SLC25A17: variants seen among roughly 807,000 people sequenced by gnomAD.
SLC25A17 encodes peroxisomal membrane protein PMP34.
A neutral mutation model predicts 38.5 loss-of-function variants in SLC25A17; 26 were observed. The ratio of observed to expected loss-of-function variants is 0.68; its 90% CI spans 0.50 to 0.94. The LOEUF is 0.94. Ranked by LOEUF, SLC25A17 falls within the 40% of genes least tolerant of loss-of-function variation. The pLI is 0.00. For missense variants in SLC25A17, 333 were observed against 372.7 expected (o/e 0.89, Z 0.88); for synonymous variants, 139 against 136.2 (o/e 1.02, Z -0.14).
At chr22:40,804,934 C>T (rs563559883) in intron 1 of SLC25A17, among the ~76,000 whole-genome samples, 2 of 151,064 alleles carry the variant, frequency 1.3e-5, no homozygotes, top group South Asian at 4.2e-4. Flanking sequence ...CATAGCAAGA[C>T]ACTGTCTCTA....
intron 1 of SLC25A17, among the ~76,000 whole-genome samples, chr22:40,815,009 T>C (rs1274565970): frequency 2.0e-5 from 3 of 151,624 alleles, no homozygotes; most frequent in African/African-American, 2.4e-5. Flanking sequence ...TTAGTAGAGA[T>C]GGGGTTTCAC....
At chr22:40,784,280 T>C (rs1362203538) in intron 4 of SLC25A17, among the ~76,000 whole-genome samples, 1 of 152,124 alleles carries the variant, frequency 6.6e-6, no homozygotes, top group Admixed American at 6.6e-5. Flanking sequence ...TATATACTTT[T>C]TCTTTATTGT....
At position 40,770,734 on chromosome 22, in the gene SLC25A17, T is replaced by C. The variant is rs1437346007; in HGVS notation, c.*100A>G. The C allele has an allele frequency of 4.6e-6, 6 of 1,293,738 alleles. No individual in the cohort carries two copies. The Admixed American group carries it at 1.3e-4, about 28-fold the overall frequency. The allele number at this position is 1,293,738 out of a possible 1,614,324, so 80.1% of individuals were successfully genotyped here. On this transcript the variant is annotated 3_prime_UTR_variant, in exon 9 of 9. Transcript: ENST00000435456. ...CTTTTCAAGCCAATGAGGGTAACAT[T>C]TGTGGTGGCAGGAGCCAGAGTCAAG...
chr22:40,814,980 C>T (rs893521386), intron 1 of SLC25A17, among the ~76,000 whole-genome samples: 15 of 151,742 alleles, frequency 9.9e-5, no homozygotes, highest in East Asian at 3.9e-4. Flanking sequence ...CCTCCATGCC[C>T]GGCTAATATT....
chr22:40,788,993 T>C, intron 4 of SLC25A17: 1 of 325,146 alleles, frequency 3.1e-6, no homozygotes. Context: ...TCTTTGAAGG[T>C]ATGCATGGTA....
intron 7 of SLC25A17, 72 bp from the exon 8 acceptor site, chr22:40,774,091 A>AT (rs1256735681): frequency 1.9e-5 from 17 of 900,700 alleles, no homozygotes; most frequent in Non-Finnish European, 3.0e-5. Flanking sequence ...CCTGGGGAGG[A>AT]TATTATGTTG....
At chr22:40,796,336 C>G (rs2057429161) in intron 2 of SLC25A17, among the ~76,000 whole-genome samples, 1 of 152,040 alleles carries the variant, frequency 6.6e-6, no homozygotes, top group South Asian at 2.1e-4. Context: ...AACTGGCAAA[C>G]TCCTATAGAA....
At chr22:40,773,217 G>A (rs2057202828) in intron 8 of SLC25A17, among the ~76,000 whole-genome samples, 1 of 152,062 alleles carries the variant, frequency 6.6e-6, no homozygotes, top group South Asian at 2.1e-4. Flanking sequence ...AGACCATCCT[G>A]GCAAACACAG....
intron 2 of SLC25A17, among the ~76,000 whole-genome samples, chr22:40,795,768 C>T (rs1025700563): frequency 4.2e-4 from 64 of 151,876 alleles, no homozygotes; most frequent in Non-Finnish European, 1.2e-4. Flanking sequence ...GCAGCAAAGC[C>T]AGTATTAACA....
At chr22:40,814,753 G>GAATATATATATA (rs2145712756) in intron 1 of SLC25A17, among the ~76,000 whole-genome samples, 1 of 52,934 alleles carries the variant, frequency 1.9e-5, no homozygotes, top group Admixed American at 2.7e-4. Context: ...AGTACGTGCA[G>GAATATATATATA]AATATATATA....
chr22:40,788,626 G>A (rs1180417859), intron 4 of SLC25A17, among the ~76,000 whole-genome samples: 1 of 152,184 alleles, frequency 6.6e-6, no homozygotes, highest in Non-Finnish European at 1.5e-5. Flanking sequence ...GGGAGGCAGA[G>A]GTCACAGTGA....
chr22:40,770,881 CTGTCAGT>C lies in SLC25A17; in HGVS notation c.870_876del (p.Thr292ProfsTer8). 1 of 1,613,432 alleles carries C rather than the reference CTGTCAGT, an allele frequency of 6.2e-7. No individual in the cohort carries two copies. ...AGCCCCATAACTGTGAAGGTGGCAG[CTGTCAGT>C]TTCTCATAAACAAGGAACATGAGAG... On this transcript the variant is annotated frameshift_variant, in exon 9 of 9. Coordinates refer to ENST00000435456, the MANE Select transcript of SLC25A17 (RefSeq NM_006358.4). LOFTEE classifies it high-confidence loss of function.
chr22:40,796,484 CA>C (rs1346264116), intron 2 of SLC25A17, among the ~76,000 whole-genome samples: 6 of 151,738 alleles, frequency 4.0e-5, no homozygotes, highest in South Asian at 4.2e-4. Flanking sequence ...ACTAAAAATA[CA>C]AAAATTAGCT....
intron 1 of SLC25A17, among the ~76,000 whole-genome samples, chr22:40,811,278 A>G (rs1045977056): frequency 6.8e-6 from 1 of 147,626 alleles, no homozygotes; most frequent in African/African-American, 2.5e-5. Context: ...TTTAGTAGAG[A>G]TGCGGTTTCA....
intron 1 of SLC25A17, among the ~76,000 whole-genome samples, chr22:40,804,634 T>C (rs745521523): frequency 7.9e-5 from 12 of 152,226 alleles, no homozygotes; most frequent in Admixed American, 2.6e-4. Context: ...TAACCTCTTG[T>C]CAGATGCATA....
intron 2 of SLC25A17, chr22:40,797,393 A>C: frequency 1.1e-6 from 1 of 907,722 alleles, no homozygotes. Context: ...AAAGCTGCAA[A>C]GGCAGATTAG....
At chr22:40,776,164 A>T in intron 7 of SLC25A17, 5 of 323,976 alleles carry the variant, frequency 1.5e-5, no homozygotes, top group Admixed American at 4.7e-5. Context: ...TCAATTTGTA[A>T]TTACCTATTT....
chr22:40,819,139 G>A, intron 1 of SLC25A17, 56 bp downstream of exon 1: 1 of 1,582,600 alleles, frequency 6.3e-7, no homozygotes, highest in Non-Finnish European at 8.7e-7. Flanking sequence ...TCCCGGGACT[G>A]GCCCCCGAGA....
chr22:40,801,717 T>C (rs939824660), intron 1 of SLC25A17, among the ~76,000 whole-genome samples: 3 of 152,200 alleles, frequency 2.0e-5, no homozygotes, highest in African/African-American at 7.2e-5. Context: ...AAATGGGAGC[T>C]GGAAAGTTAG....
Sources: gnomAD v4.1 joint callset for allele counts (sites outside exome capture counted in the v4.1 genomes callset) on GRCh38, gnomAD v4.1.1 for gene constraint, MANE v1.5 for transcripts, NCBI Gene and HGNC (gene_info 2026-07-23, HGNC 2026-07-21) for gene names.